BRD1: variants seen among roughly 807,000 people sequenced by gnomAD.
BRD1 encodes bromodomain-containing protein 1.
In BRD1, 24 loss-of-function variants were observed where a neutral mutation model predicts 107.7. The observed-to-expected ratio is 0.22, with a 90% CI of 0.16 to 0.31. The LOEUF (loss-of-function observed/expected upper bound fraction) is 0.31, where lower values mean the gene tolerates loss of function less well. BRD1 is among the 10% of genes least tolerant of loss of function. The probability of loss-of-function intolerance (pLI) is 1.00; values close to 1 mark genes in which losing one functional copy is unlikely to be tolerated. For missense variants in BRD1, 1,279 were observed against 1,638.6 expected, an observed-to-expected ratio of 0.78 and a Z score of 3.79; for synonymous variants, 744 against 686.1, an observed-to-expected ratio of 1.08 and a Z score of -1.32.
intron 3 of BRD1, among the ~76,000 whole-genome samples, chr22:49,800,888 A>G (rs748435434): frequency 2.6e-5 from 4 of 152,172 alleles, no homozygotes; most frequent in Non-Finnish European, 5.9e-5. Context: ...TGGGGGAGAC[A>G]CAGGGCAGGG....
chr22:49,789,996 C>T (rs1042292231), intron 7 of BRD1, among the ~76,000 whole-genome samples: 16 of 152,252 alleles, frequency 1.1e-4, no homozygotes, highest in Admixed American at 7.2e-4. Flanking sequence ...GCACCCCACA[C>T]GCCCCTGGCC....
intron 8 of BRD1, among the ~76,000 whole-genome samples, chr22:49,784,191 C>T (rs2147000083): frequency 6.7e-6 from 1 of 149,942 alleles, no homozygotes; most frequent in Non-Finnish European, 1.5e-5. Flanking sequence ...CACAGAGACT[C>T]GCAGCAGGGG....
intron 6 of BRD1, among the ~76,000 whole-genome samples, chr22:49,796,107 T>G (rs1455248068): frequency 2.0e-5 from 3 of 152,092 alleles, no homozygotes; most frequent in African/African-American, 7.2e-5. Context: ...TTTTTTTTTT[T>G]TTTGAGACAG....
Position 49,777,817 on chromosome 22 carries a change from G to C in BRD1, c.2858-4C>G, listed in dbSNP as rs2059130804. ...CCCCCAAAGCCGTTGGTGAGACCTG[G>C]AACACAGGCGGGCAGGCCCTGAGCT... On this transcript the variant is annotated splice_polypyrimidine_tract_variant and splice_region_variant and intron_variant, in intron 8 of 12. Transcript: ENST00000404760. The C allele has an allele frequency of 1.9e-6, 3 of 1,594,920 alleles. No individual in the cohort carries two copies. The highest frequency in any genetic ancestry group is 2.6e-6 in the Non-Finnish European group (3 of 1,174,636).
At chr22:49,788,392 G>A (rs77795636) in intron 7 of BRD1, among the ~76,000 whole-genome samples, 1 of 151,996 alleles carries the variant, frequency 6.6e-6, no homozygotes, top group Non-Finnish European at 1.5e-5. Context: ...ACAGGGAGTG[G>A]TGAGTGGCTG....
chr22:49,779,278 C>G (rs879904919), intron 8 of BRD1, among the ~76,000 whole-genome samples: 1 of 152,224 alleles, frequency 6.6e-6, no homozygotes, highest in East Asian at 1.9e-4. Context: ...CGTCTGTTCT[C>G]AATGAGCACG....
intron 7 of BRD1, among the ~76,000 whole-genome samples, chr22:49,789,790 C>G (rs897060632): frequency 6.6e-6 from 1 of 152,238 alleles, no homozygotes; most frequent in Non-Finnish European, 1.5e-5. Context: ...GGCAGGAGCC[C>G]TGAGACGTGC....
At chr22:49,799,160 T>C in intron 3 of BRD1, 41 bp from the exon 4 acceptor site, 4 of 1,586,726 alleles carry the variant, frequency 2.5e-6, no homozygotes, top group Non-Finnish European at 3.4e-6. Context: ...ACCCAGAGGC[T>C]CCTTCTGCAA....
At chr22:49,815,938 C>T (rs2059942604) in intron 2 of BRD1, among the ~76,000 whole-genome samples, 1 of 152,168 alleles carries the variant, frequency 6.6e-6, no homozygotes, top group Admixed American at 6.5e-5. Context: ...GCCTCATGGC[C>T]CCTGCCATGC....
At chr22:49,797,401 G>C (rs975101170) in intron 6 of BRD1, among the ~76,000 whole-genome samples, 1 of 152,096 alleles carries the variant, frequency 6.6e-6, no homozygotes, top group Non-Finnish European at 1.5e-5. Flanking sequence ...CTGCTTTCTG[G>C]GTCTGCATCG....
intron 7 of BRD1, among the ~76,000 whole-genome samples, chr22:49,793,791 A>G (rs1321712845): frequency 6.6e-6 from 1 of 152,242 alleles, no homozygotes; most frequent in Non-Finnish European, 1.5e-5. Context: ...CTGTGCCTTA[A>G]ATTTTATCAA....
chr22:49,783,027 C>T lies in BRD1; in HGVS notation c.2857+4363G>A, dbSNP rs549473550. ...TGCAGCTGGGACGGTCAGAGACAGA[C>T]CCAAGGCCCATCGTGCTGGGACTCG... On this transcript the variant is annotated intron_variant, in intron 8 of 12. Transcript: ENST00000404760. The surrounding 1 kb of genome is among the most constrained non-coding windows in gnomAD (Gnocchi z 4.2). 3.4e-3 allele frequency among the ~76,000 whole-genome samples: 513 copies of T among 150,240 alleles called. 2 individuals are homozygous for T. Among genetic ancestry groups the T allele is most frequent in the African/African-American group, 0.012 (479 of 40,808 alleles).
chr22:49,814,747 C>T (rs1021849018), intron 2 of BRD1, among the ~76,000 whole-genome samples: 1 of 152,240 alleles, frequency 6.6e-6, no homozygotes, highest in Non-Finnish European at 1.5e-5. Context: ...CAGGTAGCAC[C>T]TAGGCTGGAG....
intron 5 of BRD1, 54 bp downstream of exon 5, chr22:49,798,504 C>G: frequency 1.2e-6 from 2 of 1,613,934 alleles, no homozygotes. Context: ...CAAACGGCAG[C>G]ACAAATCCAC....
chr22:49,787,979 C>T (rs1197550313), intron 7 of BRD1, 92 bp from the exon 8 acceptor site: 1 of 1,216,540 alleles, frequency 8.2e-7, no homozygotes, highest in Non-Finnish European at 1.1e-6. Flanking sequence ...CACCAAAATA[C>T]TAATTCAGTT....
At chr22:49,807,843 T>C (rs2059773842) in intron 2 of BRD1, among the ~76,000 whole-genome samples, 1 of 152,164 alleles carries the variant, frequency 6.6e-6, no homozygotes, top group Non-Finnish European at 1.5e-5. Context: ...GTATCTGAAA[T>C]GGGATTAATA....
At chr22:49,778,617 T>C (rs1371498308) in intron 8 of BRD1, among the ~76,000 whole-genome samples, 1 of 152,160 alleles carries the variant, frequency 6.6e-6, no homozygotes, top group African/African-American at 2.4e-5. Context: ...GGGGATGATG[T>C]TCCTGCTGGG....
chr22:49,787,204 G>A (rs1038878858), intron 8 of BRD1, among the ~76,000 whole-genome samples, 186 bp downstream of exon 8: 2 of 151,976 alleles, frequency 1.3e-5, no homozygotes, highest in Non-Finnish European at 1.5e-5. Context: ...CGAAGGCGCC[G>A]GCCTCAGACC....
At chr22:49,776,651 TGGGGCCTCCCCCTCCCCCA>T in intron 10 of BRD1, among the ~76,000 whole-genome samples, 1 of 152,200 alleles carries the variant, frequency 6.6e-6, no homozygotes, top group Middle Eastern at 3.4e-3. Flanking sequence ...CCCCAAACCC[TGGGGCCTCCCCCTCCCCCA>T]GGGGCCTGAA....
Sources: allele counts gnomAD v4.1 joint callset (sites outside exome capture counted in the v4.1 genomes callset), GRCh38; gene constraint gnomAD v4.1.1; non-coding constraint Gnocchi (gnomAD v3.1); transcripts MANE v1.5; gene names NCBI Gene and HGNC (gene_info 2026-07-23, HGNC 2026-07-21).